Variants in MRPL22 observed in about 807,000 individuals in gnomAD.
MRPL22 encodes the protein mitochondrial ribosomal protein L22.
A neutral mutation model predicts 32.4 loss-of-function variants in MRPL22; 27 were observed. The ratio of observed to expected loss-of-function variants is 0.83; its 90% CI spans 0.61 to 1.15. The LOEUF (loss-of-function observed/expected upper bound fraction) is 1.15, where lower values mean the gene tolerates loss of function less well. Ranked by LOEUF, MRPL22 falls within the 50% of genes most tolerant of loss-of-function variation. The probability of loss-of-function intolerance (pLI) is 0.00; values close to 1 mark genes in which losing one functional copy is unlikely to be tolerated. For synonymous variants in MRPL22, 86 were observed against 87.3 expected (o/e 0.99, Z 0.08); for missense variants, 239 against 260.2 (o/e 0.92, Z 0.56).
intron 2 of MRPL22, among the ~76,000 whole-genome samples, chr5:154,950,327 G>A (rs963286409): frequency 1.1e-4 from 16 of 152,144 alleles, no homozygotes; most frequent in African/African-American, 3.4e-4. Flanking sequence ...ACACAGAGCC[G>A]AGCCATATCA....
At chr5:154,952,414 A>T (rs1764575775) in intron 3 of MRPL22, among the ~76,000 whole-genome samples, 1 of 152,234 alleles carries the variant, frequency 6.6e-6, no homozygotes, top group Non-Finnish European at 1.5e-5. Context: ...GTTATATTTA[A>T]TGAAACTATT....
rs1188389194 is a variant in MRPL22, at chr5:154,944,548, C to G, written c.77+3283C>G. Among the ~76,000 whole-genome samples the G allele has an allele frequency of 3.9e-5, 6 of 152,302 alleles. No individual in the cohort carries two copies. The East Asian group carries it at 1.2e-3, about 29-fold the overall frequency. On this transcript the variant is annotated intron_variant, in intron 2 of 6. Transcript: ENST00000523037. ...TACAAATATGTATTTAGTGCCTGCT[C>G]TGAGCTGGGAACTATTCTAGCACTG...
In MRPL22 at chr5:154,969,035, C is replaced by G. The variant is rs1286198256; in HGVS notation, c.*2138C>G. On this transcript the variant is annotated 3_prime_UTR_variant, in exon 7 of 7. Transcript: ENST00000523037. ...GGCTAAGAGTGTACTTTCTAACATC[C>G]ATGAACATTGTGGTCCCCACCTGAA... 1 of 152,244 alleles carries G rather than the reference C, an allele frequency of 6.6e-6. No individual in the cohort carries two copies. The highest frequency in any genetic ancestry group is 1.5e-5 in the Non-Finnish European group (1 of 68,054). 9.4% of individuals were successfully genotyped at this position (152,244 alleles called of 1,614,324 possible).
intron 3 of MRPL22, among the ~76,000 whole-genome samples, chr5:154,953,990 AC>A (rs888845718): frequency 1.7e-5 from 2 of 117,632 alleles, no homozygotes; most frequent in Non-Finnish European, 3.5e-5. Flanking sequence ...CTGGCCTAAA[AC>A]TTTTTTTTTT....
chr5:154,943,520 T>C lies in MRPL22; in HGVS notation c.77+2255T>C, dbSNP rs891179322. On this transcript the variant is annotated intron_variant, in intron 2 of 6. Coordinates refer to ENST00000523037, the MANE Select transcript of MRPL22 (RefSeq NM_014180.4). ...GTATTCCTCATCTAAAAACATTGAA[T>C]TAGGTTAAGAAAACTGCTGCTGACC... Among the ~76,000 whole-genome samples the C allele has an allele frequency of 2.0e-5, 3 of 151,850 alleles. No individual in the cohort carries two copies. The East Asian group carries it at 5.8e-4, about 29-fold the overall frequency.
chr5:154,953,428 A>G (rs1237122903), intron 3 of MRPL22, among the ~76,000 whole-genome samples: 3 of 149,752 alleles, frequency 2.0e-5, no homozygotes, highest in African/African-American at 7.3e-5. Flanking sequence ...TTTCTTTATG[A>G]TAGTCACACC....
chr5:154,957,121 C>A lies in MRPL22; in HGVS notation c.262-14C>A. On this transcript the variant is annotated splice_polypyrimidine_tract_variant and intron_variant, in intron 4 of 6. Transcript: ENST00000523037. ...CTAATTTATTTTCTTTTGTCTCTCA[C>A]CCTTTAATTCTAGATACGAGGAATG... The A allele has an allele frequency of 6.2e-7, 1 of 1,603,838 alleles. No homozygotes were observed. Among genetic ancestry groups the A allele is most frequent in the East Asian group, 2.2e-5 (1 of 44,794 alleles).
chr5:154,944,291 A>G (rs2113530741), intron 2 of MRPL22, among the ~76,000 whole-genome samples: 1 of 152,204 alleles, frequency 6.6e-6, no homozygotes, highest in Non-Finnish European at 1.5e-5. Flanking sequence ...ACAGAGTCTC[A>G]CTATGTTGTA....
At chr5:154,947,537 A>T (rs1206782164) in intron 2 of MRPL22, among the ~76,000 whole-genome samples, 2 of 152,232 alleles carry the variant, frequency 1.3e-5, no homozygotes, top group Non-Finnish European at 2.9e-5. Context: ...GACTAAAAAC[A>T]AAGGTTTTGT....
Position 154,947,910 on chromosome 5 carries a change from C to T in MRPL22, c.78-2911C>T, listed in dbSNP as rs192517839. Among the ~76,000 whole-genome samples, 370 of 152,260 alleles carry T rather than the reference C, an allele frequency of 2.4e-3. 2 individuals are homozygous for T. Among genetic ancestry groups the T allele is most frequent in the African/African-American group, 8.3e-3 (345 of 41,548 alleles). ...CTTAAAACAGGATAAGCATTTCATT[C>T]AGGAGATAATAAGACGAGAAAACAA... On this transcript the variant is annotated intron_variant, in intron 2 of 6. Transcript: ENST00000523037.
intron 5 of MRPL22, among the ~76,000 whole-genome samples, chr5:154,958,777 C>A (rs1199551311): frequency 2.0e-5 from 3 of 151,792 alleles, no homozygotes; most frequent in Non-Finnish European, 2.9e-5. Flanking sequence ...AATCTCTTGA[C>A]CTCATGATCT....
chr5:154,949,835 A>G (rs1764535203), intron 2 of MRPL22, among the ~76,000 whole-genome samples: 1 of 152,210 alleles, frequency 6.6e-6, no homozygotes, highest in Non-Finnish European at 1.5e-5. Context: ...TTAGTTTAGC[A>G]TTCAAAGACA....
intron 2 of MRPL22, among the ~76,000 whole-genome samples, chr5:154,945,385 A>G (rs1388213317): frequency 6.6e-6 from 1 of 152,230 alleles, no homozygotes; most frequent in South Asian, 2.1e-4. Context: ...CCAGAGGAGC[A>G]GGTTTGGGGA....
chr5:154,947,401 AGG>A (rs1764505990), intron 2 of MRPL22, among the ~76,000 whole-genome samples: 1 of 152,152 alleles, frequency 6.6e-6, no homozygotes, highest in Non-Finnish European at 1.5e-5. Flanking sequence ...TGGATGGCAA[AGG>A]TATTGATTTT....
chr5:154,950,161 C>T (rs1360287866), intron 2 of MRPL22, among the ~76,000 whole-genome samples: 3 of 152,102 alleles, frequency 2.0e-5, no homozygotes, highest in Non-Finnish European at 4.4e-5. Context: ...AGAGACAGTG[C>T]AGGGAAACTG....
At chr5:154,948,179 A>G (rs974365235) in intron 2 of MRPL22, among the ~76,000 whole-genome samples, 2 of 152,242 alleles carry the variant, frequency 1.3e-5, no homozygotes, top group Admixed American at 6.5e-5. Context: ...AACACTTACT[A>G]CTTATGGCCA....
intron 3 of MRPL22, among the ~76,000 whole-genome samples, chr5:154,954,135 A>G (rs969852708): frequency 1.9e-4 from 28 of 151,142 alleles, no homozygotes; most frequent in Non-Finnish European, 2.9e-4. Flanking sequence ...GACCACAGGT[A>G]TGTGCCACCA....
rs141131679 is a variant in MRPL22 at position 154,949,493 on chromosome 5, G to C, written c.78-1328G>C. Among the ~76,000 whole-genome samples, 351 of 152,330 alleles carry C rather than the reference G, an allele frequency of 2.3e-3. 2 individuals are homozygous for C. Among genetic ancestry groups the C allele is most frequent in the African/African-American group, 7.8e-3 (326 of 41,578 alleles). ...ATTGGAATTGGGCAAGTTGATGGAA[G>C]AGAAATCAATCTAGAGGCTATTGCT... On this transcript the variant is annotated intron_variant, in intron 2 of 6. Transcript: ENST00000523037.
chr5:154,954,358 A>G (rs1764604415), intron 3 of MRPL22, among the ~76,000 whole-genome samples: 1 of 152,220 alleles, frequency 6.6e-6, no homozygotes, highest in Non-Finnish European at 1.5e-5. Context: ...AAATTGATTT[A>G]TTTAAAAGTT....
Sources: allele counts gnomAD v4.1 joint callset (sites outside exome capture counted in the v4.1 genomes callset), GRCh38; gene constraint gnomAD v4.1.1; transcripts MANE v1.5; gene names NCBI Gene and HGNC (gene_info 2026-07-23, HGNC 2026-07-21).